FBXL17: variants seen among roughly 807,000 people sequenced by gnomAD.
FBXL17 encodes the protein F-box/LRR-repeat protein 17.
A neutral mutation model predicts 66.2 loss-of-function variants in FBXL17; 22 were observed. The observed-to-expected ratio is 0.33, with a 90% CI of 0.24 to 0.47. The LOEUF (loss-of-function observed/expected upper bound fraction) is 0.47, where lower values mean the gene tolerates loss of function less well. Among genes scored for constraint, FBXL17 ranks in the 20% least tolerant of loss-of-function variants. The pLI, the probability that FBXL17 is intolerant of heterozygous loss-of-function variation, is 1.00. For missense variants in FBXL17, 878 were observed against 948.2 expected (o/e 0.93, Z 0.97); for synonymous variants, 474 against 400.5 (o/e 1.18, Z -2.19).
At chr5:108,276,986 T>G (rs1469402074) in intron 4 of FBXL17, among the ~76,000 whole-genome samples, 1 of 152,088 alleles carries the variant, frequency 6.6e-6, no homozygotes, top group Admixed American at 6.5e-5. Flanking sequence ...TTCAGACATC[T>G]TTATGTGAGA....
At chr5:107,970,782 C>T (rs1016729478) in intron 7 of FBXL17, among the ~76,000 whole-genome samples, 1 of 152,152 alleles carries the variant, frequency 6.6e-6, no homozygotes, top group Non-Finnish European at 1.5e-5. Context: ...GAGGCTCTGA[C>T]GGCAAGAAAA....
intron 4 of FBXL17, among the ~76,000 whole-genome samples, chr5:108,286,029 GA>G (rs1260706093): frequency 6.6e-6 from 1 of 151,480 alleles, no homozygotes; most frequent in Non-Finnish European, 1.5e-5. Flanking sequence ...AAATGCAACT[GA>G]AAACAAAAAA....
intron 6 of FBXL17, among the ~76,000 whole-genome samples, chr5:108,085,205 T>C (rs77524555): frequency 1.6e-3 from 249 of 152,374 alleles, no homozygotes; most frequent in African/African-American, 5.7e-3. Context: ...AGTTTAATTT[T>C]AACCACAAGT....
chr5:108,062,456 A>C (rs1233162730), intron 6 of FBXL17, among the ~76,000 whole-genome samples: 4 of 152,124 alleles, frequency 2.6e-5, no homozygotes, highest in Non-Finnish European at 5.9e-5. Flanking sequence ...AACTTTTCCA[A>C]CAACTATTAT....
intron 6 of FBXL17, among the ~76,000 whole-genome samples, chr5:108,138,522 T>C (rs530804149): frequency 3.1e-4 from 47 of 152,306 alleles, no homozygotes; most frequent in African/African-American, 8.9e-4. Context: ...TCCTCTTCAA[T>C]TGGTCAAAGG....
At chr5:108,364,288 A>C (rs1384429163) in intron 3 of FBXL17, among the ~76,000 whole-genome samples, 1 of 152,076 alleles carries the variant, frequency 6.6e-6, no homozygotes, top group African/African-American at 2.4e-5. Flanking sequence ...TATTGTACCA[A>C]ATAGAGGTAA....
At chr5:108,232,258 T>C (rs1413664442) in intron 4 of FBXL17, among the ~76,000 whole-genome samples, 1 of 152,196 alleles carries the variant, frequency 6.6e-6, no homozygotes, top group African/African-American at 2.4e-5. Flanking sequence ...TGTAATGGTA[T>C]TTGGGTTGGG....
chr5:108,179,036 A>G (rs756090513), intron 6 of FBXL17, among the ~76,000 whole-genome samples: 30 of 152,328 alleles, frequency 2.0e-4, no homozygotes, highest in Middle Eastern at 3.4e-3. Context: ...ATAAAATTCT[A>G]AGTCCACTGT....
At chr5:108,221,369 G>A (rs1471636085) in intron 5 of FBXL17, among the ~76,000 whole-genome samples, 1 of 151,980 alleles carries the variant, frequency 6.6e-6, no homozygotes. Flanking sequence ...GTTTCCATGA[G>A]AGCCCCTAAC....
At chr5:108,019,486 T>C (rs1283591311) in intron 7 of FBXL17, among the ~76,000 whole-genome samples, 2 of 152,088 alleles carry the variant, frequency 1.3e-5, no homozygotes, top group African/African-American at 4.8e-5. Flanking sequence ...TTACTATCCA[T>C]AACTCCTGGC....
chr5:108,055,293 A>AC (rs1561388152), intron 6 of FBXL17, among the ~76,000 whole-genome samples: 6 of 60,516 alleles, frequency 9.9e-5, no homozygotes, highest in African/African-American at 4.5e-4. Flanking sequence ...AAAAAAAAAA[A>AC]AAAAAAAAAA....
chr5:107,903,889 T>C (rs1749658485), intron 7 of FBXL17, among the ~76,000 whole-genome samples: 1 of 152,176 alleles, frequency 6.6e-6, no homozygotes, highest in African/African-American at 2.4e-5. Context: ...CAAGTGCTTT[T>C]TTCTTGAGGC....
chr5:108,175,891 T>C (rs2150021366), intron 6 of FBXL17, among the ~76,000 whole-genome samples: 1 of 152,360 alleles, frequency 6.6e-6, no homozygotes, highest in Admixed American at 6.5e-5. Flanking sequence ...CAGGAGATAT[T>C]TATCATCTCA....
intron 4 of FBXL17, among the ~76,000 whole-genome samples, chr5:108,343,328 G>C (rs1747011949): frequency 6.6e-6 from 1 of 152,130 alleles, no homozygotes; most frequent in South Asian, 2.1e-4. Flanking sequence ...CTGGGTTTAA[G>C]TAAATGCCCC....
intron 6 of FBXL17, among the ~76,000 whole-genome samples, chr5:108,057,771 T>C (rs547260723): frequency 3.3e-5 from 5 of 152,336 alleles, no homozygotes; most frequent in Non-Finnish European, 5.9e-5. Context: ...CCCATTACAA[T>C]AGCTATTTTA....
chr5:108,210,718 G>A (rs1754332100), intron 5 of FBXL17, among the ~76,000 whole-genome samples: 1 of 152,144 alleles, frequency 6.6e-6, no homozygotes, highest in Non-Finnish European at 1.5e-5. Context: ...GCTGAGGAGT[G>A]TTTTACTTCC....
intron 6 of FBXL17, among the ~76,000 whole-genome samples, chr5:108,080,879 T>C (rs288233): frequency 0.14 from 20,551 of 152,058 alleles, 1,603 homozygotes; most frequent in South Asian, 0.31. Context: ...TCAGAGAAAA[T>C]AGATGCTAAA....
chr5:108,042,935 G>T (rs1747108467), intron 6 of FBXL17, among the ~76,000 whole-genome samples: 1 of 152,212 alleles, frequency 6.6e-6, no homozygotes, highest in African/African-American at 2.4e-5. Context: ...TCTGATTGTA[G>T]TAAAAATCTC....
At chr5:107,961,582 G>A (rs925439515) in intron 7 of FBXL17, among the ~76,000 whole-genome samples, 1 of 152,048 alleles carries the variant, frequency 6.6e-6, no homozygotes, top group African/African-American at 2.4e-5. Context: ...TAGGCAGTAA[G>A]AGTGGGGCAA....
Sources: allele counts gnomAD v4.1 joint callset (sites outside exome capture counted in the v4.1 genomes callset), GRCh38; gene constraint gnomAD v4.1.1; transcripts MANE v1.5; gene names NCBI Gene and HGNC (gene_info 2026-07-23, HGNC 2026-07-21).